Variants in GLIS3 observed in about 807,000 individuals in gnomAD.
GLIS3 encodes the protein GLIS family zinc finger 3.
Under a neutral mutation model 78.6 loss-of-function variants are expected in GLIS3, and 53 were observed. That is an observed-to-expected ratio of 0.67 (90% CI 0.54 to 0.85). The LOEUF (loss-of-function observed/expected upper bound fraction) is 0.85. Among genes scored for constraint, GLIS3 ranks in the 40% least tolerant of loss-of-function variants. The pLI, the probability that GLIS3 is intolerant of heterozygous loss-of-function variation, is 0.00. For synonymous variants in GLIS3, 684 were observed against 509.9 expected (o/e 1.34, Z -4.60); for missense variants, 1,703 against 1,231.1 (o/e 1.38, Z -5.74).
intron 4 of GLIS3, among the ~76,000 whole-genome samples, chr9:4,012,578 T>C (rs892597546): frequency 2.0e-5 from 3 of 152,150 alleles, no homozygotes; most frequent in Non-Finnish European, 4.4e-5. Context: ...CTGTGATTCA[T>C]GTTTCTGTTG....
intron 3 of GLIS3, chr9:4,309,094 A>G (rs1399425145): frequency 6.6e-6 from 1 of 152,230 alleles, no homozygotes; most frequent in Non-Finnish European, 1.5e-5. Context: ...AGCATTTTTT[A>G]AGATAAAACA....
intron 4 of GLIS3, among the ~76,000 whole-genome samples, chr9:4,045,531 G>T (rs184321374): frequency 6.6e-6 from 1 of 150,926 alleles, no homozygotes; most frequent in African/African-American, 2.4e-5. Flanking sequence ...GTAGAGATGG[G>T]TTTCACCATG....
chr9:4,440,994 G>A, the GLIS3 span, among the ~76,000 whole-genome samples: 3 of 151,704 alleles, frequency 2.0e-5, no homozygotes, highest in African/African-American at 7.3e-5. Flanking sequence ...ATTTTTGTGT[G>A]TTGATTTTGT....
intron 2 of GLIS3, among the ~76,000 whole-genome samples, chr9:4,326,477 C>A (rs1817602666): frequency 6.6e-6 from 1 of 152,002 alleles, no homozygotes; most frequent in Non-Finnish European, 1.5e-5. Flanking sequence ...ATTCCACTTA[C>A]ATGAAGTATT....
At chr9:4,314,510 T>G (rs1351826782) in intron 2 of GLIS3, among the ~76,000 whole-genome samples, 1 of 152,248 alleles carries the variant, frequency 6.6e-6, no homozygotes, top group Non-Finnish European at 1.5e-5. Context: ...AGAACTTTGA[T>G]GATGCTATGT....
At chr9:4,475,822 G>A in the GLIS3 span, among the ~76,000 whole-genome samples, 76 of 152,278 alleles carry the variant, frequency 5.0e-4, no homozygotes, top group African/African-American at 1.6e-3. Context: ...ATAATTAGTC[G>A]CTACCTACAG....
At chr9:4,415,246 C>T in the GLIS3 span, among the ~76,000 whole-genome samples, 1 of 152,190 alleles carries the variant, frequency 6.6e-6, no homozygotes, top group Non-Finnish European at 1.5e-5. Context: ...GTTGCCCATC[C>T]TGGATTAGTG....
At chr9:4,225,345 A>G (rs1319539546) in intron 2 of GLIS3, among the ~76,000 whole-genome samples, 1 of 152,124 alleles carries the variant, frequency 6.6e-6, no homozygotes, top group South Asian at 2.1e-4. Flanking sequence ...TTATACAATT[A>G]CTCTTTGGTA....
At chr9:4,161,956 G>A (rs1174272438) in intron 2 of GLIS3, among the ~76,000 whole-genome samples, 1 of 152,054 alleles carries the variant, frequency 6.6e-6, no homozygotes, top group African/African-American at 2.4e-5. Flanking sequence ...AAAGTGGTGG[G>A]ATTACAGGCG....
chr9:4,469,243 C>A, the GLIS3 span, among the ~76,000 whole-genome samples: 3 of 152,102 alleles, frequency 2.0e-5, no homozygotes. Context: ...AGAAAGTTAA[C>A]AAGGATATCC....
chr9:3,877,747 C>T (rs549255701), intron 8 of GLIS3, among the ~76,000 whole-genome samples: 16 of 152,324 alleles, frequency 1.1e-4, no homozygotes, highest in African/African-American at 3.6e-4. Context: ...TCTCCATCCT[C>T]ACTGCTTTGC....
At chr9:3,934,831 G>C (rs1825803808) in intron 5 of GLIS3, among the ~76,000 whole-genome samples, 1 of 152,150 alleles carries the variant, frequency 6.6e-6, no homozygotes. Flanking sequence ...TGCCAAAAAA[G>C]TAATGTCAGG....
chr9:4,169,518 C>A (rs1340397520), intron 2 of GLIS3, among the ~76,000 whole-genome samples: 1 of 152,164 alleles, frequency 6.6e-6, no homozygotes, highest in Non-Finnish European at 1.5e-5. Flanking sequence ...CCAGTATTTT[C>A]TTTTGCTACA....
chr9:4,487,570 T>C, the GLIS3 span, among the ~76,000 whole-genome samples: 1 of 152,104 alleles, frequency 6.6e-6, no homozygotes, highest in African/African-American at 2.4e-5. Flanking sequence ...CCCAGAAAGT[T>C]GTGATGTACA....
At chr9:3,869,948 T>C (rs1361245117) in intron 8 of GLIS3, among the ~76,000 whole-genome samples, 1 of 152,112 alleles carries the variant, frequency 6.6e-6, no homozygotes, top group African/African-American at 2.4e-5. Context: ...AGAACTAAAC[T>C]GAGCTCCAAA....
chr9:4,178,734 A>G (rs780586711), intron 2 of GLIS3, among the ~76,000 whole-genome samples: 2 of 152,240 alleles, frequency 1.3e-5, no homozygotes, highest in Non-Finnish European at 2.9e-5. Context: ...CCTGATGTAT[A>G]TAGGTTGATC....
the GLIS3 span, among the ~76,000 whole-genome samples, chr9:4,367,759 A>C: frequency 1.3e-5 from 2 of 152,144 alleles, no homozygotes; most frequent in African/African-American, 4.8e-5. Context: ...ACATTTGAAG[A>C]AGTAGCAAAT....
chr9:4,009,228 G>A (rs1263068839), intron 4 of GLIS3, among the ~76,000 whole-genome samples: 4 of 152,206 alleles, frequency 2.6e-5, no homozygotes, highest in African/African-American at 7.2e-5. Context: ...GGAGCATGAG[G>A]AGGCTGCCCA....
At chr9:4,367,386 G>A in the GLIS3 span, among the ~76,000 whole-genome samples, 1 of 152,042 alleles carries the variant, frequency 6.6e-6, no homozygotes, top group Admixed American at 6.6e-5. Context: ...TAGGATTCAA[G>A]TGAAACACCA....
Sources: allele counts gnomAD v4.1 joint callset (sites outside exome capture counted in the v4.1 genomes callset), GRCh38; gene constraint gnomAD v4.1.1; transcripts MANE v1.5; gene names NCBI Gene and HGNC (gene_info 2026-07-23, HGNC 2026-07-21).